Variants in TSPEAR observed in about 807,000 individuals in gnomAD.
TSPEAR encodes thrombospondin type laminin G domain and EAR repeats.
In TSPEAR, 69 loss-of-function variants were observed where a neutral mutation model predicts 71.6. That is an observed-to-expected ratio of 0.96 (90% confidence interval 0.79 to 1.18). The LOEUF (loss-of-function observed/expected upper bound fraction) is 1.18, where lower values mean the gene tolerates loss of function less well. Among genes scored for constraint, TSPEAR ranks in the 50% most tolerant of loss-of-function variants. TSPEAR has a pLI of 0.00. For missense variants in TSPEAR, 971 were observed against 894.9 expected (o/e 1.09, Z -1.09); for synonymous variants, 402 against 387.2 (o/e 1.04, Z -0.45).
At chr21:44,685,055 A>G (rs1288427122) in intron 1 of TSPEAR, among the ~76,000 whole-genome samples, 2 of 152,008 alleles carry the variant, frequency 1.3e-5, no homozygotes, top group African/African-American at 4.8e-5. Flanking sequence ...GGGTCCATAG[A>G]CTTCTAAGTT....
rs1569169775 is a variant in TSPEAR, at chr21:44,533,842, G to A, written c.385C>T (p.His129Tyr). The A allele has an allele frequency of 1.2e-6, 2 of 1,612,568 alleles. No homozygotes were observed. ...LGLRLSPAQL[H>Y]FLFLREDTAG... Reference sequence around the variant, plus strand: ...GTGTCCTCGCGAAGGAACAGGAAGTGCAGCTGGGCAGGTGACAACCGCAGG... The same window carrying A: ...GTGTCCTCGCGAAGGAACAGGAAGTACAGCTGGGCAGGTGACAACCGCAGG... Residue 129 changes from histidine to tyrosine, a missense_variant, in exon 3 of 12, where the codon CAC (histidine) becomes TAC (tyrosine). By Grantham distance (83) the His-to-Tyr change is moderately conservative. Coordinates refer to ENST00000323084, the MANE Select transcript of TSPEAR (RefSeq NM_144991.3).
rs782510422 is a variant in TSPEAR at position 44,522,042 on chromosome 21, CTGGT to C, written c.1403_1406del (p.Asn468ArgfsTer100). 6.2e-7 allele frequency: 1 copy of C among 1,614,146 alleles called. No individual in the cohort carries two copies. Among genetic ancestry groups the C allele is most frequent in the Non-Finnish European group, 8.5e-7 (1 of 1,180,018 alleles). ...CGTAGGCGCCGGAGGTGGCGATGGT[CTGGT>C]TGGCCTCGAAGAGCCGGGTTGCCGG... On this transcript the variant is annotated frameshift_variant, in exon 9 of 12. Coordinates refer to ENST00000323084, the MANE Select transcript of TSPEAR (RefSeq NM_144991.3). LOFTEE classifies it high-confidence loss of function.
chr21:44,680,821 T>C (rs1555947800), intron 1 of TSPEAR, among the ~76,000 whole-genome samples: 1 of 152,164 alleles, frequency 6.6e-6, no homozygotes, highest in Non-Finnish European at 1.5e-5. Context: ...GTTGATCTCA[T>C]GGAAGTAGAG....
In TSPEAR at chr21:44,567,810, A is replaced by ATCGTC; in HGVS notation, c.277_278insGACGA (p.Leu93Ter). On this transcript the variant is annotated stop_gained and frameshift_variant, in exon 2 of 12. Coordinates refer to ENST00000323084, the MANE Select transcript of TSPEAR (RefSeq NM_144991.3). LOFTEE classifies it high-confidence loss of function. ...CTTGGGTGGAAGATTGGGAACTCTC[A>ATCGTC]AAGTTACGACGATGGAAAATTCTTC... 6.3e-7 allele frequency: 1 copy of ATCGTC among 1,588,174 alleles called. No individual in the cohort carries two copies. Among genetic ancestry groups the ATCGTC allele is most frequent in the Non-Finnish European group, 8.6e-7 (1 of 1,166,010 alleles).
chr21:44,580,386 A>G, intron 1 of TSPEAR: 2 of 1,613,416 alleles, frequency 1.2e-6, no homozygotes. Flanking sequence ...GAGCTGGTGC[A>G]GCCTGATTGG....
rs587604558 is a variant in TSPEAR at position 44,603,340 on chromosome 21, G to A, written c.83-35335C>T. ...CCTAAGTCAGCATCCCAGGCTTTGC[G>A]TCACTGGCTCCCCTCTGGTTCTCCA... On this transcript the variant is annotated intron_variant, in intron 1 of 11. Coordinates refer to ENST00000323084, the MANE Select transcript of TSPEAR (RefSeq NM_144991.3). Among the ~76,000 whole-genome samples, 16 of 152,336 alleles carry A rather than the reference G, an allele frequency of 1.1e-4. No individual in the cohort carries two copies. The South Asian group carries it at 2.7e-3, about 26-fold the overall frequency.
Position 44,539,352 on chromosome 21 carries a change from A to G in TSPEAR, c.304-5429T>C, listed in dbSNP as rs1408553579. 5 of 1,612,538 alleles carry G rather than the reference A, an allele frequency of 3.1e-6. No homozygotes were observed. The highest frequency in any genetic ancestry group is 1.3e-5 in the African/African-American group (1 of 74,824). On this transcript the variant is annotated intron_variant, in intron 2 of 11. Transcript: ENST00000323084. ...GGGCGGCAGAGGAGGGACACGCAGG[A>G]GGCCGGGCGGCAGCAGCTGGCCTGG... is the stretch of plus-strand genomic sequence containing the variant.
chr21:44,535,009 T>A (rs2053063863), intron 2 of TSPEAR, among the ~76,000 whole-genome samples: 2 of 152,246 alleles, frequency 1.3e-5, no homozygotes, highest in African/African-American at 4.8e-5. Flanking sequence ...TCCACTTATA[T>A]GAGGTCACTA....
intron 9 of TSPEAR, chr21:44,519,476 T>C (rs1386884269): frequency 6.6e-6 from 1 of 152,288 alleles, no homozygotes; most frequent in Non-Finnish European, 1.5e-5. Flanking sequence ...TCCAGGTCAA[T>C]GATTACTGGT....
At chr21:44,565,587 A>C (rs1366599739) in intron 2 of TSPEAR, among the ~76,000 whole-genome samples, 1 of 152,220 alleles carries the variant, frequency 6.6e-6, no homozygotes, top group Admixed American at 6.5e-5. Flanking sequence ...AATGTAACAC[A>C]ACACATCAAC....
intron 1 of TSPEAR, among the ~76,000 whole-genome samples, chr21:44,641,795 C>T (rs1406812404): frequency 6.6e-6 from 1 of 152,158 alleles, no homozygotes; most frequent in African/African-American, 2.4e-5. Context: ...CAGCCTCTAC[C>T]AAGGTGGAGG....
chr21:44,599,512 C>A (rs1018787444), intron 1 of TSPEAR, among the ~76,000 whole-genome samples: 1 of 152,234 alleles, frequency 6.6e-6, no homozygotes, highest in East Asian at 1.9e-4. Flanking sequence ...ACTGACATCA[C>A]CAGGCACCAA....
chr21:44,556,401 A>G (rs2053530026), intron 2 of TSPEAR, among the ~76,000 whole-genome samples: 2 of 149,684 alleles, frequency 1.3e-5, no homozygotes, highest in Non-Finnish European at 3.0e-5. Context: ...AACAAAAAAA[A>G]AAACCAAAAG....
chr21:44,702,253 G>T (rs1555951635), intron 1 of TSPEAR: 1 of 1,604,856 alleles, frequency 6.2e-7, no homozygotes, highest in African/African-American at 1.3e-5. Context: ...CTGGCAGGTG[G>T]ACGACTGCCC....
intron 9 of TSPEAR, among the ~76,000 whole-genome samples, chr21:44,511,604 T>TAC (rs1171665715): frequency 3.9e-5 from 6 of 152,156 alleles, no homozygotes; most frequent in South Asian, 2.1e-4. Context: ...GCATGACATC[T>TAC]ACACACACAC....
At chr21:44,683,783 A>G (rs1330179441) in intron 1 of TSPEAR, among the ~76,000 whole-genome samples, 1 of 152,262 alleles carries the variant, frequency 6.6e-6, no homozygotes, top group Non-Finnish European at 1.5e-5. Flanking sequence ...GTAAGCAGCT[A>G]TTATAGACAT....
intron 1 of TSPEAR, chr21:44,600,803 G>A: frequency 6.3e-7 from 1 of 1,598,580 alleles, no homozygotes; most frequent in South Asian, 1.1e-5. Flanking sequence ...ACCCCAGTGA[G>A]CTATGTGTCC....
rs150789695 is a variant in TSPEAR at position 44,707,907 on chromosome 21, C to T, written c.82+3526G>A. Among the ~76,000 whole-genome samples, 1,085 of 151,972 alleles carry T rather than the reference C, an allele frequency of 7.1e-3. 13 individuals are homozygous for T. Among genetic ancestry groups the T allele is most frequent in the African/African-American group, 0.024 (1,002 of 41,386 alleles). On this transcript the variant is annotated intron_variant, in intron 1 of 11. Coordinates refer to ENST00000323084, the MANE Select transcript of TSPEAR (RefSeq NM_144991.3). ...AGTCTGTTCCCAGTGTGTCCCTCAG[C>T]CTCGGTCCCCCACCCTTCCCGGAGC...
intron 1 of TSPEAR, among the ~76,000 whole-genome samples, chr21:44,674,077 G>A (rs1986186017): frequency 6.7e-6 from 1 of 149,358 alleles, no homozygotes; most frequent in African/African-American, 2.5e-5. Flanking sequence ...TTGAGCCCAG[G>A]AGTTTAAGGC....
Sources: gnomAD v4.1 joint callset for allele counts (sites outside exome capture counted in the v4.1 genomes callset) on GRCh38, gnomAD v4.1.1 for gene constraint, MANE v1.5 for transcripts, NCBI Gene and HGNC (gene_info 2026-07-23, HGNC 2026-07-21) for gene names.